The following ANKRD30BL variants were observed in gnomAD, a reference collection of about 807,000 sequenced individuals.
ANKRD30BL encodes ankyrin repeat domain 30B like.
ANKRD30BL carries 20 observed loss-of-function variants against 18.4 expected under a neutral mutation model. That is an observed-to-expected ratio of 1.09 (90% CI 0.77 to 1.58). The LOEUF (loss-of-function observed/expected upper bound fraction) is 1.58. Among genes scored for constraint, ANKRD30BL ranks in the 40% most tolerant of loss-of-function variants. ANKRD30BL has a pLI of 0.00. For synonymous variants in ANKRD30BL, 72 were observed against 100.9 expected, an observed-to-expected ratio of 0.71 and a Z score of 1.72; for missense variants, 224 against 268.6, an observed-to-expected ratio of 0.83 and a Z score of 1.16.
intron 1 of ANKRD30BL, among the ~76,000 whole-genome samples, chr2:132,197,310 T>C (rs1225335944): frequency 6.6e-6 from 1 of 152,224 alleles, no homozygotes; most frequent in Non-Finnish European, 1.5e-5. Flanking sequence ...TAAAATTAAC[T>C]TTCAGTAAGA....
chr2:132,225,439 T>C (rs1374227286), intron 1 of ANKRD30BL, among the ~76,000 whole-genome samples: 1 of 152,154 alleles, frequency 6.6e-6, no homozygotes, highest in Non-Finnish European at 1.5e-5. Flanking sequence ...TTTAGTGGAA[T>C]CTGCAAGTGA....
intron 1 of ANKRD30BL, among the ~76,000 whole-genome samples, chr2:132,177,174 A>G (rs1318224483): frequency 1.3e-5 from 2 of 148,346 alleles, no homozygotes; most frequent in African/African-American, 5.0e-5. Context: ...TTTATTTTTG[A>G]GATGGAATTT....
At chr2:132,210,740 G>A (rs1474338244) in intron 1 of ANKRD30BL, among the ~76,000 whole-genome samples, 2 of 151,736 alleles carry the variant, frequency 1.3e-5, no homozygotes, top group African/African-American at 4.8e-5. Context: ...GAAGCAGTCT[G>A]TGTAATTTCT....
intron 1 of ANKRD30BL, chr2:132,257,070 C>T (rs747282419): frequency 2.1e-6 from 1 of 476,924 alleles, no homozygotes; most frequent in Admixed American, 2.1e-5. Flanking sequence ...TGCCGGACGG[C>T]CCTCGGCACC....
intron 4 of ANKRD30BL, chr2:132,153,491 T>A: frequency 2.1e-6 from 1 of 466,914 alleles, no homozygotes; most frequent in South Asian, 1.6e-5. Flanking sequence ...ACTAACTCAC[T>A]GTCATTCAAA....
At chr2:132,194,574 A>G (rs1467707366) in intron 1 of ANKRD30BL, among the ~76,000 whole-genome samples, 1 of 152,118 alleles carries the variant, frequency 6.6e-6, no homozygotes, top group Non-Finnish European at 1.5e-5. Flanking sequence ...CATTCTTGGA[A>G]CCATGCTGTA....
intron 1 of ANKRD30BL, among the ~76,000 whole-genome samples, chr2:132,238,563 T>C (rs189438804): frequency 6.6e-6 from 1 of 151,966 alleles, no homozygotes; most frequent in African/African-American, 2.4e-5. Flanking sequence ...TTTTGTAGAA[T>C]CTGTAAGTGG....
rs1687653041 is a variant in ANKRD30BL, at chr2:132,148,043, C to G, written c.*88G>C. The G allele has an allele frequency of 1.0e-6, 1 of 978,422 alleles. No individual in the cohort carries two copies. The allele number at this position is 978,422 out of a possible 1,614,324, so 60.6% of individuals were successfully genotyped here. On this transcript the variant is annotated 3_prime_UTR_variant, in exon 6 of 6. Transcript: ENST00000409867. ...GACATATTTGTTCTTTGATGAGGAA[C>G]TCAGAACTCATTGTACTTAATCTTC...
chr2:132,196,354 CTGAGG>C (rs1318555978), intron 1 of ANKRD30BL, among the ~76,000 whole-genome samples: 1 of 151,764 alleles, frequency 6.6e-6, no homozygotes, highest in Non-Finnish European at 1.5e-5. Flanking sequence ...ACTCCAGAGG[CTGAGG>C]TAAGAGAATT....
intron 1 of ANKRD30BL, among the ~76,000 whole-genome samples, chr2:132,192,549 C>G (rs868278947): frequency 6.6e-6 from 1 of 152,134 alleles, no homozygotes; most frequent in South Asian, 2.1e-4. Context: ...GTCATGACAC[C>G]AGAAGGGAAA....
intron 1 of ANKRD30BL, among the ~76,000 whole-genome samples, chr2:132,238,265 G>A (rs1680215343): frequency 1.3e-5 from 2 of 151,882 alleles, no homozygotes; most frequent in South Asian, 4.1e-4. Context: ...GTGGATATTA[G>A]GACAGCATTT....
chr2:132,224,288 G>T (rs937872474), intron 1 of ANKRD30BL, among the ~76,000 whole-genome samples: 11 of 151,870 alleles, frequency 7.2e-5, no homozygotes, highest in Non-Finnish European at 1.5e-4. Flanking sequence ...GAGGCCTATT[G>T]TGGAAAAGGA....
intron 1 of ANKRD30BL, among the ~76,000 whole-genome samples, chr2:132,183,175 G>A (rs1035900791): frequency 6.7e-6 from 1 of 149,090 alleles, no homozygotes; most frequent in Admixed American, 6.7e-5. Context: ...CTGTCACCCA[G>A]GCTGGAGTGC....
chr2:132,174,628 C>T (rs1270464271), intron 1 of ANKRD30BL, among the ~76,000 whole-genome samples: 2 of 152,192 alleles, frequency 1.3e-5, no homozygotes, highest in Admixed American at 6.5e-5. Flanking sequence ...GTAAGGGCTA[C>T]AAGAGGCGGC....
intron 1 of ANKRD30BL, among the ~76,000 whole-genome samples, chr2:132,225,213 A>G (rs957193107): frequency 2.0e-5 from 3 of 152,072 alleles, no homozygotes; most frequent in Non-Finnish European, 2.9e-5. Flanking sequence ...CATTCAGCTC[A>G]CAGAGTTGAT....
intron 1 of ANKRD30BL, among the ~76,000 whole-genome samples, chr2:132,181,019 C>T (rs1239741877): frequency 6.6e-6 from 1 of 151,916 alleles, no homozygotes; most frequent in Non-Finnish European, 1.5e-5. Flanking sequence ...TGGTGGCGGG[C>T]TGTAGTCCCA....
intron 1 of ANKRD30BL, among the ~76,000 whole-genome samples, chr2:132,240,357 TC>T (rs1474286801): frequency 3.3e-5 from 5 of 151,922 alleles, no homozygotes; most frequent in African/African-American, 1.2e-4. Context: ...CCCAGAAACT[TC>T]TTGTGATGTT....
intron 1 of ANKRD30BL, among the ~76,000 whole-genome samples, chr2:132,233,153 C>A (rs1469730030): frequency 2.2e-4 from 33 of 148,214 alleles, no homozygotes; most frequent in East Asian, 8.1e-4. Flanking sequence ...TTTGTCACCA[C>A]CAGGCCTGCC....
intron 1 of ANKRD30BL, among the ~76,000 whole-genome samples, chr2:132,242,376 A>G (rs1374636294): frequency 1.3e-5 from 2 of 151,822 alleles, no homozygotes; most frequent in East Asian, 3.9e-4. Flanking sequence ...ATCTTCAAAT[A>G]AAATCTAGAC....
Sources: allele counts gnomAD v4.1 joint callset (sites outside exome capture counted in the v4.1 genomes callset), GRCh38; gene constraint gnomAD v4.1.1; transcripts MANE v1.5; gene names NCBI Gene and HGNC (gene_info 2026-07-23, HGNC 2026-07-21).